ZDHHC17: variants seen among roughly 807,000 people sequenced by gnomAD.
The protein encoded by ZDHHC17 is palmitoyltransferase ZDHHC17.
In ZDHHC17, 40 loss-of-function variants were observed where a neutral mutation model predicts 90.3. The ratio of observed to expected loss-of-function variants is 0.44; its 90% CI spans 0.34 to 0.58. The LOEUF is 0.58. Ranked by LOEUF, ZDHHC17 falls within the 20% of genes least tolerant of loss-of-function variation. The probability of loss-of-function intolerance (pLI) is 0.01; values close to 1 mark genes in which losing one functional copy is unlikely to be tolerated. For synonymous variants in ZDHHC17, 235 were observed against 252.4 expected, an observed-to-expected ratio of 0.93 and a Z score of 0.65; for missense variants, 614 against 780.8, an observed-to-expected ratio of 0.79 and a Z score of 2.55.
At chr12:76,780,920 GAC>G (rs970954731) in intron 1 of ZDHHC17, among the ~76,000 whole-genome samples, 18 of 151,542 alleles carry the variant, frequency 1.2e-4, no homozygotes, top group African/African-American at 4.4e-4. Flanking sequence ...AGGAGATCGA[GAC>G]CATCCTCATC....
intron 3 of ZDHHC17, 92 bp from the exon 4 acceptor site, chr12:76,808,951 G>C: frequency 1.4e-6 from 1 of 734,222 alleles, no homozygotes; most frequent in African/African-American, 1.9e-5. Flanking sequence ...CATGAGATCT[G>C]AAATAGAAAA....
At chr12:76,811,517 T>A (rs1258736379) in intron 5 of ZDHHC17, among the ~76,000 whole-genome samples, 1 of 152,116 alleles carries the variant, frequency 6.6e-6, no homozygotes, top group Non-Finnish European at 1.5e-5. Context: ...ATATAGGCTA[T>A]AAAATTCTCA....
chr12:76,833,939 G>A (rs1953334567), intron 10 of ZDHHC17, among the ~76,000 whole-genome samples: 1 of 152,114 alleles, frequency 6.6e-6, no homozygotes, highest in Non-Finnish European at 1.5e-5. Flanking sequence ...AACCTGAATA[G>A]CCAACCTAAA....
intron 8 of ZDHHC17, among the ~76,000 whole-genome samples, chr12:76,826,650 T>G (rs1282666463): frequency 6.6e-6 from 1 of 152,206 alleles, no homozygotes; most frequent in Non-Finnish European, 1.5e-5. Context: ...AGTACTGTCT[T>G]CTATATTTAA....
Position 76,788,688 on chromosome 12 carries a change from A to ATATTTTTTT in ZDHHC17, c.94-8745_94-8744insATTTTTTTT, listed in dbSNP as rs61663401. On this transcript the variant is annotated intron_variant, in intron 1 of 16. Transcript: ENST00000426126. ...AAAATATATTTAAGTTGGAATCGCAATTTTTTTTTTTTTTTTTTTTTTTTT... is the reference window on the plus strand; with the variant it reads ...AAAATATATTTAAGTTGGAATCGCAATATTTTTTTTTTTTTTTTTTTTTTTTTTTTTTTT... 1.1e-3 allele frequency among the ~76,000 whole-genome samples: 108 copies of ATATTTTTTT among 98,652 alleles called. 14 individuals are homozygous for ATATTTTTTT. The highest frequency in any genetic ancestry group is 3.0e-3 in the African/African-American group (76 of 25,130). The allele number at this position is 98,652 out of a possible 152,430, so 64.7% of individuals were successfully genotyped here.
chr12:76,770,072 C>G (rs1264982421), intron 1 of ZDHHC17, among the ~76,000 whole-genome samples: 1 of 152,164 alleles, frequency 6.6e-6, no homozygotes, highest in Non-Finnish European at 1.5e-5. Context: ...TTATTGAACT[C>G]TGCATCCCAA....
intron 1 of ZDHHC17, among the ~76,000 whole-genome samples, chr12:76,765,000 G>A (rs566962705): frequency 6.6e-6 from 1 of 152,328 alleles, no homozygotes; most frequent in South Asian, 2.1e-4. Flanking sequence ...CACAACATGA[G>A]TGTCTTCCCA....
intron 2 of ZDHHC17, among the ~76,000 whole-genome samples, chr12:76,799,935 T>G (rs1301349414): frequency 6.6e-6 from 1 of 152,214 alleles, no homozygotes; most frequent in Non-Finnish European, 1.5e-5. Flanking sequence ...CTAAACATGT[T>G]TGTTTATGTT....
At chr12:76,775,908 T>A (rs1160016355) in intron 1 of ZDHHC17, among the ~76,000 whole-genome samples, 1 of 152,132 alleles carries the variant, frequency 6.6e-6, no homozygotes, top group East Asian at 1.9e-4. Context: ...GTAAATATAA[T>A]CATGAATAAA....
At chr12:76,831,302 A>AT (rs1430687404) in intron 10 of ZDHHC17, among the ~76,000 whole-genome samples, 2 of 151,900 alleles carry the variant, frequency 1.3e-5, no homozygotes, top group Non-Finnish European at 2.9e-5. Context: ...ATGGATTCAC[A>AT]ATTTTTTTTT....
rs537055685 is a variant in ZDHHC17 at position 76,796,951 on chromosome 12, G to A, written c.94-483G>A. 2.6e-5 allele frequency among the ~76,000 whole-genome samples: 4 copies of A among 152,190 alleles called. No homozygotes were observed. In the South Asian group the frequency reaches 8.3e-4, roughly 32 times the overall value. ...ATGTGTAAAATGGGTAGATCTCTTT[G>A]AACAAGCTTTTTCCCTAAAGAGTGT... is the stretch of plus-strand genomic sequence containing the variant. On this transcript the variant is annotated intron_variant, in intron 1 of 16. Coordinates refer to ENST00000426126, the MANE Select transcript of ZDHHC17 (RefSeq NM_015336.4).
chr12:76,824,464 C>G lies in ZDHHC17; in HGVS notation c.897+1933C>G, dbSNP rs532230594. ...GATTAAGCATCTGTAATTATGTAGACTGTTCTTTCTTTTTCCATGTCACAT... is the reference window on the plus strand; with the variant it reads ...GATTAAGCATCTGTAATTATGTAGAGTGTTCTTTCTTTTTCCATGTCACAT... On this transcript the variant is annotated intron_variant, in intron 8 of 16. Transcript: ENST00000426126. 5.7e-4 allele frequency among the ~76,000 whole-genome samples: 86 copies of G among 152,106 alleles called. 1 individual carries two copies. The South Asian group carries it at 0.017, about 30-fold the overall frequency.
intron 1 of ZDHHC17, among the ~76,000 whole-genome samples, chr12:76,769,716 T>G (rs1952471934): frequency 6.6e-6 from 1 of 152,176 alleles, no homozygotes; most frequent in Non-Finnish European, 1.5e-5. Context: ...TAGTGACCAC[T>G]GTTAAGCCCA....
chr12:76,815,110 T>G (rs1953069065), intron 5 of ZDHHC17, 36 bp from the exon 6 acceptor site: 13 of 1,491,124 alleles, frequency 8.7e-6, no homozygotes, highest in Non-Finnish European at 1.2e-5. Context: ...AACTTATAAT[T>G]TAACTGTCTG....
At chr12:76,777,303 A>T (rs997220293) in intron 1 of ZDHHC17, among the ~76,000 whole-genome samples, 1 of 152,118 alleles carries the variant, frequency 6.6e-6, no homozygotes. Flanking sequence ...ACCTTATGGG[A>T]TTGGCTTTTC....
At position 76,788,688 on chromosome 12, in the gene ZDHHC17, A is replaced by ATTTTTTTTTTTTTTTTTT. The variant is rs763269507; in HGVS notation, c.94-8737_94-8720dup. ...AAAATATATTTAAGTTGGAATCGCA[A>ATTTTTTTTTTTTTTTTTT]TTTTTTTTTTTTTTTTTTTTTTTTT... On this transcript the variant is annotated intron_variant, in intron 1 of 16. Transcript: ENST00000426126. 5.8e-4 allele frequency among the ~76,000 whole-genome samples: 57 copies of ATTTTTTTTTTTTTTTTTT among 98,668 alleles called. 2 individuals are homozygous for ATTTTTTTTTTTTTTTTTT. The highest frequency in any genetic ancestry group is 6.9e-4 in the South Asian group (2 of 2,906). 64.7% of individuals were successfully genotyped at this position (98,668 alleles called of 152,430 possible).
At chr12:76,811,920 C>A (rs532348897) in intron 5 of ZDHHC17, among the ~76,000 whole-genome samples, 1 of 152,174 alleles carries the variant, frequency 6.6e-6, no homozygotes, top group South Asian at 2.1e-4. Context: ...CAATATAGTT[C>A]GTTGTACACA....
chr12:76,778,621 G>T lies in ZDHHC17; in HGVS notation c.93+14292G>T, dbSNP rs138543094. Among the ~76,000 whole-genome samples the T allele has an allele frequency of 1.1e-3, 162 of 152,300 alleles. 3 individuals carry two copies. The East Asian group carries it at 0.029, about 27-fold the overall frequency. ...ATGCTGAGTCAGCAACCATAATAAAGAAATTTTTGACACTTTTTAATTTTA... is the reference window on the plus strand; with the variant it reads ...ATGCTGAGTCAGCAACCATAATAAATAAATTTTTGACACTTTTTAATTTTA... On this transcript the variant is annotated intron_variant, in intron 1 of 16. Transcript: ENST00000426126.
At chr12:76,779,183 A>G (rs1336060627) in intron 1 of ZDHHC17, among the ~76,000 whole-genome samples, 1 of 152,146 alleles carries the variant, frequency 6.6e-6, no homozygotes, top group African/African-American at 2.4e-5. Flanking sequence ...TTTACTGTCA[A>G]GTTTTGAGAG....
Sources: gnomAD v4.1 joint callset for allele counts (sites outside exome capture counted in the v4.1 genomes callset) on GRCh38, gnomAD v4.1.1 for gene constraint, MANE v1.5 for transcripts, NCBI Gene and HGNC (gene_info 2026-07-23, HGNC 2026-07-21) for gene names.